The following HMGB1 variants were observed in gnomAD, a reference collection of about 807,000 sequenced individuals.
HMGB1 encodes the protein high mobility group box 1, also known as high mobility group protein B1.
For missense variants in HMGB1, 79 were observed against 253.5 expected, an observed-to-expected ratio of 0.31 and a Z score of 4.67; for synonymous variants, 81 against 84.0, an observed-to-expected ratio of 0.96 and a Z score of 0.19.
chr13:30,616,894 T>C (rs1404374106), exon 1 of HMGB1: 1 of 152,236 alleles, frequency 6.6e-6, no homozygotes, highest in Admixed American at 6.5e-5. Flanking sequence ...AATTGTGGTT[T>C]TTCTGTAAAG....
intron 1 of HMGB1, among the ~76,000 whole-genome samples, chr13:30,605,514 A>C (rs1459505477): frequency 6.6e-6 from 1 of 152,236 alleles, no homozygotes; most frequent in Admixed American, 6.5e-5. Flanking sequence ...TGCTGCTTAG[A>C]GGTCAAGCAA....
At chr13:30,540,415 ATCTC>A (rs1389166890) in intron 1 of HMGB1, 1 of 155,968 alleles carries the variant, frequency 6.4e-6, no homozygotes, top group Admixed American at 6.5e-5. Flanking sequence ...AGAGTTACAG[ATCTC>A]TCTCCATATT....
chr13:30,509,492 C>A (rs940477949), intron 1 of HMGB1, among the ~76,000 whole-genome samples: 31 of 152,158 alleles, frequency 2.0e-4, no homozygotes, highest in Admixed American at 9.8e-4. Context: ...CCTGCCTCAG[C>A]CTCCCAAAGT....
At chr13:30,573,802 C>T (rs918978514) in intron 1 of HMGB1, among the ~76,000 whole-genome samples, 4 of 152,120 alleles carry the variant, frequency 2.6e-5, no homozygotes, top group Non-Finnish European at 5.9e-5. Flanking sequence ...AGGCATGCGC[C>T]AACACGTCCA....
chr13:30,537,665 A>C (rs567185317), intron 1 of HMGB1, among the ~76,000 whole-genome samples: 1,730 of 84,444 alleles, frequency 0.02, 65 homozygotes, highest in African/African-American at 0.094. Context: ...ATATATATAT[A>C]TATATATATA....
intron 1 of HMGB1, among the ~76,000 whole-genome samples, chr13:30,565,563 G>C (rs1870151001): frequency 6.6e-6 from 1 of 152,160 alleles, no homozygotes. Flanking sequence ...AACTTCATTT[G>C]TGTTGCTTGT....
At chr13:30,470,813 TA>T (rs1280421306), upstream of HMGB1, among the ~76,000 whole-genome samples, 1 of 151,922 alleles carries the variant, frequency 6.6e-6, no homozygotes, top group African/African-American at 2.4e-5. Context: ...CATGCCCAAC[TA>T]ATTTTTGTAT....
At chr13:30,569,284 C>A (rs1870325381) in intron 1 of HMGB1, among the ~76,000 whole-genome samples, 1 of 152,192 alleles carries the variant, frequency 6.6e-6, no homozygotes, top group South Asian at 2.1e-4. Context: ...CTCGGACAGG[C>A]CCATTTCAAA....
upstream of HMGB1, among the ~76,000 whole-genome samples, chr13:30,469,241 C>G (rs1374574336): frequency 6.6e-6 from 1 of 152,150 alleles, no homozygotes; most frequent in Non-Finnish European, 1.5e-5. Context: ...GTCGAAGAGG[C>G]CTGAACACCC....
At chr13:30,474,831 G>A (rs1160923098) in intron 1 of HMGB1, among the ~76,000 whole-genome samples, 5 of 140,166 alleles carry the variant, frequency 3.6e-5, no homozygotes, top group Admixed American at 2.2e-4. Flanking sequence ...TGCAACCTTG[G>A]CACTCTCTCT....
chr13:30,525,241 T>C (rs1366834179), intron 1 of HMGB1, among the ~76,000 whole-genome samples: 1 of 152,190 alleles, frequency 6.6e-6, no homozygotes, highest in African/African-American at 2.4e-5. Flanking sequence ...GCTTTGACAT[T>C]GTATGTTCCT....
At chr13:30,593,012 T>A (rs769785466) in intron 1 of HMGB1, among the ~76,000 whole-genome samples, 21 of 152,204 alleles carry the variant, frequency 1.4e-4, no homozygotes, top group Admixed American at 3.9e-4. Flanking sequence ...CATCTTTATG[T>A]CCATATGTAC....
At chr13:30,521,267 G>GA (rs1442520206) in intron 1 of HMGB1, among the ~76,000 whole-genome samples, 1 of 152,058 alleles carries the variant, frequency 6.6e-6, no homozygotes, top group East Asian at 1.9e-4. Flanking sequence ...CACTTAAAAT[G>GA]AAAAATTCAA....
rs147470567 is a variant in HMGB1 at position 30,550,018 on chromosome 13, C to T, written c.-15+66653G>A. The stretch of plus-strand genomic sequence containing the variant: ...AGGCATGAGCCACCACACCTGGCCA[C>T]AAACACTATTTTTTAAAGCATGTGA... On this transcript the variant is annotated intron_variant, in intron 1 of 4. Coordinates refer to the HMGB1 transcript ENST00000405805. Among the ~76,000 whole-genome samples, 508 of 151,928 alleles carry T rather than the reference C, an allele frequency of 3.3e-3. 3 individuals are homozygous for T. Among genetic ancestry groups the T allele is most frequent in the African/African-American group, 0.012 (488 of 41,246 alleles).
rs1886131169 is a variant in HMGB1 at position 30,458,947 on chromosome 13, A to G, written c.*2410T>C. 6.6e-6 allele frequency: 1 copy of G among 152,188 alleles called. No individual in the cohort carries two copies. The highest frequency in any genetic ancestry group is 1.5e-5 in the Non-Finnish European group (1 of 68,034). 9.4% of individuals were successfully genotyped at this position (152,188 alleles called of 1,614,324 possible). On this transcript the variant is annotated 3_prime_UTR_variant, in exon 5 of 5. Coordinates refer to ENST00000341423, the MANE Select transcript of HMGB1 (RefSeq NM_002128.7). ...TAGGAAATTTGACTCGTTAATCAAT[A>G]TGCCATATGCCTATCTTTAAAATAC...
chr13:30,474,148 A>C (rs897618956), intron 1 of HMGB1, among the ~76,000 whole-genome samples: 1 of 152,224 alleles, frequency 6.6e-6, no homozygotes, highest in Non-Finnish European at 1.5e-5. Context: ...AAATATGCCC[A>C]AAACCATTGA....
intron 1 of HMGB1, among the ~76,000 whole-genome samples, chr13:30,508,329 T>C (rs1887914764): frequency 1.3e-5 from 2 of 151,820 alleles, no homozygotes; most frequent in African/African-American, 4.8e-5. Context: ...CTGGCCAACA[T>C]GGTGAAACCC....
At chr13:30,524,077 C>T (rs1483596623) in intron 1 of HMGB1, among the ~76,000 whole-genome samples, 2 of 151,962 alleles carry the variant, frequency 1.3e-5, no homozygotes, top group Non-Finnish European at 2.9e-5. Context: ...TCTCAGCAAA[C>T]TAACACAGGA....
At chr13:30,536,089 G>C (rs1868417515) in intron 1 of HMGB1, among the ~76,000 whole-genome samples, 1 of 152,120 alleles carries the variant, frequency 6.6e-6, no homozygotes, top group African/African-American at 2.4e-5. Context: ...AAAAATTAAA[G>C]TGTACTTAAA....
Sources: allele counts gnomAD v4.1 joint callset (sites outside exome capture counted in the v4.1 genomes callset), GRCh38; gene constraint gnomAD v4.1.1; transcripts MANE v1.5; gene names NCBI Gene and HGNC (gene_info 2026-07-23, HGNC 2026-07-21).